The following SYNDIG1 variants were observed in gnomAD, a reference collection of about 807,000 sequenced individuals.
SYNDIG1 encodes the protein synapse differentiation-inducing gene protein 1.
A neutral mutation model predicts 19.4 loss-of-function variants in SYNDIG1; 9 were observed. That is an observed-to-expected ratio of 0.46 (90% confidence interval 0.28 to 0.81). The LOEUF (loss-of-function observed/expected upper bound fraction) is 0.81. SYNDIG1 is among the 30% of genes least tolerant of loss of function. The probability of loss-of-function intolerance (pLI) is 0.12; values close to 1 mark genes in which losing one functional copy is unlikely to be tolerated. For missense variants in SYNDIG1, 311 were observed against 343.3 expected (o/e 0.91, Z 0.74); for synonymous variants, 141 against 145.9 (o/e 0.97, Z 0.24).
chr20:24,585,470 AT>A (rs1673787617), intron 3 of SYNDIG1, among the ~76,000 whole-genome samples: 1 of 152,150 alleles, frequency 6.6e-6, no homozygotes, highest in Admixed American at 6.5e-5. Context: ...AGCAGCCCCC[AT>A]GTACCTGCCC....
chr20:24,665,371 A>ACTTGCACCAGGCCAGCACCAGCTCCC lies in SYNDIG1; in HGVS notation c.645_670dup (p.Arg224ProfsTer98). 1 of 1,604,098 alleles carries ACTTGCACCAGGCCAGCACCAGCTCCC rather than the reference A, an allele frequency of 6.2e-7. No homozygotes were observed. The highest frequency in any genetic ancestry group is 8.5e-7 in the Non-Finnish European group (1 of 1,176,866). On this transcript the variant is annotated frameshift_variant, in exon 4 of 4. Coordinates refer to ENST00000376862, the MANE Select transcript of SYNDIG1 (RefSeq NM_024893.3). LOFTEE classifies it high-confidence loss of function. Reference sequence around the variant, plus strand: ...ACCAACAAAGCCGTGGCCAAGGGGGACTTGCACCAGGCCAGCACCAGCTCC... The same window carrying ACTTGCACCAGGCCAGCACCAGCTCCC: ...ACCAACAAAGCCGTGGCCAAGGGGGACTTGCACCAGGCCAGCACCAGCTCCCCTTGCACCAGGCCAGCACCAGCTCC...
At chr20:24,582,685 T>G (rs1206196801) in intron 2 of SYNDIG1, among the ~76,000 whole-genome samples, 1 of 152,144 alleles carries the variant, frequency 6.6e-6, no homozygotes, top group Non-Finnish European at 1.5e-5. Context: ...TCCACTTTTT[T>G]TCCCCCTTAG....
chr20:24,641,178 C>T (rs369044288), intron 3 of SYNDIG1, among the ~76,000 whole-genome samples: 1 of 152,154 alleles, frequency 6.6e-6, no homozygotes, highest in Admixed American at 6.5e-5. Context: ...CCTTCCTGAA[C>T]CTTAATTCCT....
chr20:24,592,166 G>A (rs6049799), intron 3 of SYNDIG1, among the ~76,000 whole-genome samples: 92,071 of 152,040 alleles, frequency 0.61, 28,103 homozygotes, highest in Admixed American at 0.66. Context: ...GTCAAGTACA[G>A]GCTGTTCTTT....
intron 2 of SYNDIG1, among the ~76,000 whole-genome samples, chr20:24,571,274 C>T (rs1017563040): frequency 6.6e-6 from 1 of 152,176 alleles, no homozygotes; most frequent in African/African-American, 2.4e-5. Context: ...CACAGATACA[C>T]TGGTGAAATC....
At position 24,608,192 on chromosome 20, in the gene SYNDIG1, TA is replaced by T. The variant is rs201835979; in HGVS notation, c.618+23200del. Among the ~76,000 whole-genome samples the T allele has an allele frequency of 1.3e-3, 131 of 103,344 alleles. 1 individual carries two copies. The East Asian group carries it at 0.016, about 13-fold the overall frequency. The allele number at this position is 103,344 out of a possible 152,430, so 67.8% of individuals were successfully genotyped here. ...TTTAAATTTTGGCAATATTATCTCC[TA>T]TTTTTTTTTTTTGAGACAGTCTCGC... is the stretch of plus-strand genomic sequence containing the variant. On this transcript the variant is annotated intron_variant, in intron 3 of 3. Coordinates refer to ENST00000376862, the MANE Select transcript of SYNDIG1 (RefSeq NM_024893.3).
chr20:24,525,286 CTT>C (rs11471122), intron 1 of SYNDIG1, among the ~76,000 whole-genome samples: 4,100 of 106,240 alleles, frequency 0.039, 42 homozygotes, highest in Admixed American at 0.081. Context: ...TCTTCTTCTT[CTT>C]TTTTTTTTTT....
At chr20:24,620,820 T>C (rs1003760902) in intron 3 of SYNDIG1, among the ~76,000 whole-genome samples, 5 of 152,254 alleles carry the variant, frequency 3.3e-5, no homozygotes, top group African/African-American at 1.2e-4. Flanking sequence ...ACAATTGTTT[T>C]CCTAAATACT....
rs1041018682 is a variant in SYNDIG1, at chr20:24,666,452, T to A, written c.*948T>A. ...GAATAGCTATTTTCTTGTCATTTTTTAAAGTGCAACTCTTGCTTCATGCTG... is the reference window on the plus strand; with the variant it reads ...GAATAGCTATTTTCTTGTCATTTTTAAAAGTGCAACTCTTGCTTCATGCTG... On this transcript the variant is annotated 3_prime_UTR_variant, in exon 4 of 4. Transcript: ENST00000376862. The A allele has an allele frequency of 6.5e-6, 1 of 152,696 alleles. No homozygotes were observed. Among genetic ancestry groups the A allele is most frequent in the African/African-American group, 2.4e-5 (1 of 41,468 alleles). The allele number at this position is 152,696 out of a possible 1,614,324, so 9.5% of individuals were successfully genotyped here.
At chr20:24,572,865 G>A (rs1462591302) in intron 2 of SYNDIG1, among the ~76,000 whole-genome samples, 5 of 152,168 alleles carry the variant, frequency 3.3e-5, no homozygotes, top group African/African-American at 1.2e-4. Flanking sequence ...GATATACAGA[G>A]GAAAAATGGG....
chr20:24,624,254 T>G (rs1349109456), intron 3 of SYNDIG1, among the ~76,000 whole-genome samples: 1 of 79,326 alleles, frequency 1.3e-5, no homozygotes, highest in Non-Finnish European at 2.7e-5. Context: ...AGACTCCATC[T>G]CAAAAAAAAA....
intron 2 of SYNDIG1, among the ~76,000 whole-genome samples, chr20:24,583,959 CTG>C (rs1268125471): frequency 6.6e-6 from 1 of 152,166 alleles, no homozygotes; most frequent in African/African-American, 2.4e-5. Flanking sequence ...ATGAAATAAT[CTG>C]TGCACCAAAC....
intron 3 of SYNDIG1, among the ~76,000 whole-genome samples, chr20:24,644,488 TC>T (rs1568712625): frequency 6.6e-6 from 1 of 152,218 alleles, no homozygotes; most frequent in Admixed American, 6.5e-5. Flanking sequence ...GGAAGAGGGC[TC>T]TGTGTGACCT....
rs541222478 is a variant in SYNDIG1 at position 24,627,157 on chromosome 20, G to A, written c.619-38189G>A. The stretch of plus-strand genomic sequence containing the variant: ...GGAGAGGGAGAGGGAGAGGGAGAGC[G>A]AGAGCGAGAGCGAGAGCGAGAGCGA... On this transcript the variant is annotated intron_variant, in intron 3 of 3. Transcript: ENST00000376862. 1.1e-4 allele frequency among the ~76,000 whole-genome samples: 15 copies of A among 136,796 alleles called. No individual in the cohort carries two copies. In the East Asian group the frequency reaches 2.6e-3, roughly 23 times the overall value. 89.7% of individuals were successfully genotyped at this position (136,796 alleles called of 152,430 possible). A position where few individuals can be genotyped will look rare whatever the true frequency, so the allele number is the denominator to read the frequency against.
chr20:24,653,253 T>A (rs1316051438), intron 3 of SYNDIG1, among the ~76,000 whole-genome samples: 1 of 152,128 alleles, frequency 6.6e-6, no homozygotes, highest in Non-Finnish European at 1.5e-5. Context: ...GTGGTGATCA[T>A]GCAGTGTGGC....
chr20:24,532,337 A>G (rs1162942385), intron 1 of SYNDIG1, among the ~76,000 whole-genome samples: 1 of 152,210 alleles, frequency 6.6e-6, no homozygotes, highest in African/African-American at 2.4e-5. Context: ...CAAACACATC[A>G]TGCCAAGTGA....
chr20:24,592,475 C>T (rs1399535974), intron 3 of SYNDIG1, among the ~76,000 whole-genome samples: 2 of 152,142 alleles, frequency 1.3e-5, no homozygotes, highest in Non-Finnish European at 2.9e-5. Flanking sequence ...TGGGTTCCTC[C>T]CAGAGATCCA....
chr20:24,573,581 G>A (rs1332671306), intron 2 of SYNDIG1, among the ~76,000 whole-genome samples: 3 of 152,354 alleles, frequency 2.0e-5, no homozygotes, highest in Middle Eastern at 3.4e-3. Flanking sequence ...GGCCTGCTGC[G>A]CCCTGGTCAC....
intron 1 of SYNDIG1, among the ~76,000 whole-genome samples, chr20:24,476,530 C>T (rs1481039297): frequency 6.6e-6 from 1 of 152,012 alleles, no homozygotes; most frequent in Non-Finnish European, 1.5e-5. Flanking sequence ...ATTAGCCGGA[C>T]GTGGTGGCGG....
Sources: gnomAD v4.1 joint callset for allele counts (sites outside exome capture counted in the v4.1 genomes callset) on GRCh38, gnomAD v4.1.1 for gene constraint, MANE v1.5 for transcripts, NCBI Gene and HGNC (gene_info 2026-07-23, HGNC 2026-07-21) for gene names.